Variants in SAMMSON observed in about 807,000 individuals in gnomAD.
SAMMSON encodes the protein long intergenic non-protein coding RNA 1212.
chr3:70,254,317 A>G (rs1701795599), intron 6 of SAMMSON, among the ~76,000 whole-genome samples: 1 of 152,198 alleles, frequency 6.6e-6, no homozygotes, highest in African/African-American at 2.4e-5. Flanking sequence ...CTCAACCCCA[A>G]ACATTCTAAA....
chr3:70,176,936 GGTAT>G (rs1701013970), intron 4 of SAMMSON, among the ~76,000 whole-genome samples: 1 of 152,100 alleles, frequency 6.6e-6, no homozygotes, highest in South Asian at 2.1e-4. Flanking sequence ...GAGTATCACA[GGTAT>G]CTAGAATTCT....
At chr3:70,056,549 T>TTC (rs138631519) in intron 3 of SAMMSON, among the ~76,000 whole-genome samples, 9 of 149,808 alleles carry the variant, frequency 6.0e-5, no homozygotes, top group East Asian at 2.0e-4. Flanking sequence ...TACATATTGT[T>TTC]TCTCTCTCTC....
intron 7 of SAMMSON, among the ~76,000 whole-genome samples, chr3:70,352,859 A>G (rs1702803034): frequency 1.3e-5 from 2 of 152,094 alleles, no homozygotes; most frequent in African/African-American, 4.8e-5. Context: ...AGAAATCAAA[A>G]CTGTGTGGTA....
rs537913488 is a variant in SAMMSON at position 70,431,981 on chromosome 3, T to C, written n.234-30579T>C. Among the ~76,000 whole-genome samples the C allele has an allele frequency of 2.0e-5, 3 of 151,914 alleles. No homozygotes were observed. The East Asian group carries it at 5.8e-4, about 29-fold the overall frequency. ...AATGTATTTATTAACAAATTGAGCA[T>C]ATTTTGTTTCTGCTTTTTAACTATT... On this transcript the variant is annotated intron_variant and non_coding_transcript_variant, in intron 2 of 3. Transcript: ENST00000641053.
In SAMMSON at chr3:70,283,585, G is replaced by A. The variant is rs188791951; in HGVS notation, n.675-7594G>A. The A allele has an allele frequency of 7.2e-5, 11 of 152,170 alleles. No homozygotes were observed. In the East Asian group the frequency reaches 1.6e-3, roughly 22 times the overall value. The allele number at this position is 152,170 out of a possible 1,614,324, so 9.4% of individuals were successfully genotyped here. ...CTCTGTTACCTCATCTATACAATGA[G>A]CTTGGTTGTGTCCACCACCTACCTG... is the stretch of plus-strand genomic sequence containing the variant. On this transcript the variant is annotated intron_variant and non_coding_transcript_variant, in intron 6 of 9. Transcript: ENST00000642114.
At chr3:70,103,208 T>G (rs1339352528) in intron 4 of SAMMSON, among the ~76,000 whole-genome samples, 1 of 152,172 alleles carries the variant, frequency 6.6e-6, no homozygotes, top group Non-Finnish European at 1.5e-5. Flanking sequence ...CCCCCAAATC[T>G]GGATTTTTGT....
chr3:70,398,781 C>T (rs1295035042), intron 2 of SAMMSON, among the ~76,000 whole-genome samples: 3 of 152,192 alleles, frequency 2.0e-5, no homozygotes, highest in Non-Finnish European at 1.5e-5. Flanking sequence ...CTGAGAAACA[C>T]ATAAATATAG....
chr3:70,125,392 A>G, intron 4 of SAMMSON: 1 of 1,417,726 alleles, frequency 7.1e-7, no homozygotes, highest in South Asian at 1.2e-5. Context: ...AACTTCTGAA[A>G]ACTGAAAGTG....
At chr3:70,050,335 CA>C (rs1336915287) in intron 3 of SAMMSON, among the ~76,000 whole-genome samples, 9 of 152,138 alleles carry the variant, frequency 5.9e-5, no homozygotes, top group African/African-American at 2.2e-4. Context: ...CTCCATCTCA[CA>C]ACCCCACCCA....
intron 4 of SAMMSON, among the ~76,000 whole-genome samples, chr3:70,136,403 G>T (rs1005567925): frequency 6.6e-5 from 10 of 152,222 alleles, no homozygotes; most frequent in Admixed American, 2.6e-4. Context: ...AGGGGTTCAT[G>T]TGTCAAGGAA....
chr3:70,052,056 C>T (rs2067148395), intron 3 of SAMMSON, among the ~76,000 whole-genome samples: 1 of 152,000 alleles, frequency 6.6e-6, no homozygotes, highest in African/African-American at 2.4e-5. Context: ...TGTGATTGCA[C>T]CACTGCATGC....
chr3:70,075,372 C>G (rs1336522123), intron 4 of SAMMSON: 2 of 152,024 alleles, frequency 1.3e-5, no homozygotes, highest in Admixed American at 6.6e-5. Flanking sequence ...CAAAATAAAA[C>G]AAAATCTCTC....
At chr3:70,297,953 T>C (rs1018460006) in intron 7 of SAMMSON, among the ~76,000 whole-genome samples, 2 of 152,148 alleles carry the variant, frequency 1.3e-5, no homozygotes, top group Non-Finnish European at 2.9e-5. Flanking sequence ...TCTTACTCTT[T>C]GCTAATTCCT....
chr3:70,136,020 G>A lies in SAMMSON; in HGVS notation n.507+64455G>A, dbSNP rs188158536. Among the ~76,000 whole-genome samples, 186 of 151,606 alleles carry A rather than the reference G, an allele frequency of 1.2e-3. 1 individual carries two copies. Among genetic ancestry groups the A allele is most frequent in the African/African-American group, 4.3e-3 (178 of 41,318 alleles). On this transcript the variant is annotated intron_variant and non_coding_transcript_variant, in intron 4 of 9. Transcript: ENST00000642114. ...AATATACTTTCAATATAATGTAAAG[G>A]TTTTTCCCTGCAATACATCTCCACA...
chr3:70,318,279 C>T (rs1238776903), intron 7 of SAMMSON, among the ~76,000 whole-genome samples: 2 of 151,982 alleles, frequency 1.3e-5, no homozygotes, highest in Non-Finnish European at 2.9e-5. Flanking sequence ...TATTTTTACA[C>T]AGTTCATAGA....
rs554587609 is a variant in SAMMSON, at chr3:70,339,629, T to G, written n.740-14546T>G. 6.2e-4 allele frequency among the ~76,000 whole-genome samples: 95 copies of G among 152,312 alleles called. 1 individual carries two copies. Among genetic ancestry groups the G allele is most frequent in the Non-Finnish European group, 4.4e-5 (3 of 68,024 alleles). On this transcript the variant is annotated intron_variant and non_coding_transcript_variant, in intron 7 of 9. Coordinates refer to ENST00000642114, the Ensembl canonical transcript of SAMMSON. Reference sequence around the variant, plus strand: ...GATACTTCTGAAAAGAAGACATTTATGCAGCCAACAGACACATGAAAAAAT... The same window carrying G: ...GATACTTCTGAAAAGAAGACATTTAGGCAGCCAACAGACACATGAAAAAAT...
At chr3:70,107,754 A>T (rs1471619873) in intron 4 of SAMMSON, among the ~76,000 whole-genome samples, 1 of 152,052 alleles carries the variant, frequency 6.6e-6, no homozygotes, top group Non-Finnish European at 1.5e-5. Context: ...GGGAAAGAGG[A>T]TTCTACGTAC....
At chr3:70,087,244 G>C (rs573315955) in intron 4 of SAMMSON, among the ~76,000 whole-genome samples, 28 of 152,220 alleles carry the variant, frequency 1.8e-4, no homozygotes, top group African/African-American at 6.3e-4. Context: ...GCCATAAATT[G>C]TCTTCTATTT....
chr3:70,126,598 T>C (rs1283673637), intron 4 of SAMMSON: 1 of 413,860 alleles, frequency 2.4e-6, no homozygotes, highest in African/African-American at 2.0e-5. Flanking sequence ...AAATGGCTGA[T>C]AGAGAGCTGG....
Sources: gnomAD v4.1 joint callset for allele counts (sites outside exome capture counted in the v4.1 genomes callset) on GRCh38, gnomAD v4.1.1 for gene constraint, MANE v1.5 for transcripts, NCBI Gene and HGNC (gene_info 2026-07-23, HGNC 2026-07-21) for gene names.